The following CKAP5 variants were observed in gnomAD, a reference collection of about 807,000 sequenced individuals.
CKAP5 encodes the protein cytoskeleton-associated protein 5.
A neutral mutation model predicts 232.8 loss-of-function variants in CKAP5; 27 were observed. The observed-to-expected ratio is 0.12, with a 90% CI of 0.09 to 0.16. The LOEUF (loss-of-function observed/expected upper bound fraction) is 0.16, where lower values mean the gene tolerates loss of function less well. Ranked by LOEUF, CKAP5 falls within the 10% of genes least tolerant of loss-of-function variation. The pLI is 1.00. For missense variants in CKAP5, 1,838 were observed against 2,424.7 expected (o/e 0.76, Z 5.08); for synonymous variants, 785 against 841.1 (o/e 0.93, Z 1.16).
chr11:46,838,871 A>G (rs1259565653), intron 1 of CKAP5, among the ~76,000 whole-genome samples: 2 of 151,398 alleles, frequency 1.3e-5, no homozygotes, highest in African/African-American at 2.4e-5. Context: ...AATAAAAAAA[A>G]ATAAATAAAG....
At chr11:46,752,195 C>CATACAT (rs1565716304) in intron 38 of CKAP5, among the ~76,000 whole-genome samples, 3 of 58,178 alleles carry the variant, frequency 5.2e-5, no homozygotes, top group Non-Finnish European at 8.1e-5. Context: ...TATATATATA[C>CATACAT]ACACACACAC....
At chr11:46,763,421 A>C (rs1196845362) in intron 29 of CKAP5, 60 bp downstream of exon 29, 6 of 1,457,990 alleles carry the variant, frequency 4.1e-6, no homozygotes, top group Non-Finnish European at 5.6e-6. Flanking sequence ...AGATTATTTC[A>C]TAGGGCTCGG....
rs1441133526 is a variant in CKAP5, at chr11:46,754,929, T to C, written c.4828A>G (p.Ile1610Val). Residue 1610 changes from isoleucine (I) to valine (V), a missense_variant, in exon 36 of 44, where the codon ATC becomes GTC. Ile to Val is a conservative substitution (Grantham distance 29, BLOSUM62 3). Transcript: ENST00000529230. ...ATGATACAGCTATACAACTTGATGA[T>C]CTCGTCCTTCTCCAATTTCTCATCT... ...MADEKLEKDE[I>V]IKLYSCIIGN... 6.2e-7 allele frequency: 1 copy of C among 1,613,948 alleles called. No individual in the cohort carries two copies. Among genetic ancestry groups the C allele is most frequent in the South Asian group, 1.1e-5 (1 of 91,024 alleles).
At chr11:46,796,734 T>C in intron 12 of CKAP5, 78 bp downstream of exon 12, 1 of 1,540,916 alleles carries the variant, frequency 6.5e-7, no homozygotes, top group South Asian at 1.2e-5. Flanking sequence ...CAGTACTCTA[T>C]AACTGTCAAG....
intron 18 of CKAP5, among the ~76,000 whole-genome samples, chr11:46,780,815 G>C (rs1175118939): frequency 6.6e-6 from 1 of 151,998 alleles, no homozygotes; most frequent in Non-Finnish European, 1.5e-5. Flanking sequence ...GTAGAGACAG[G>C]GTTTCACCAT....
At chr11:46,804,458 C>A (rs1939108338) in intron 8 of CKAP5, among the ~76,000 whole-genome samples, 1 of 152,072 alleles carries the variant, frequency 6.6e-6, no homozygotes. Context: ...TGTTCTAGAC[C>A]AGGGAATGGA....
intron 3 of CKAP5, among the ~76,000 whole-genome samples, chr11:46,817,776 T>C (rs1939437987): frequency 6.6e-6 from 1 of 152,144 alleles, no homozygotes; most frequent in Non-Finnish European, 1.5e-5. Flanking sequence ...AAATCTGTCA[T>C]TCACAGATCA....
At chr11:46,773,665 C>T (rs577100223) in intron 24 of CKAP5, among the ~76,000 whole-genome samples, 1 of 152,082 alleles carries the variant, frequency 6.6e-6, no homozygotes, top group African/African-American at 2.4e-5. Context: ...GCCTCAGCCT[C>T]CCGAGTAGCT....
intron 1 of CKAP5, among the ~76,000 whole-genome samples, chr11:46,829,521 C>T (rs538098524): frequency 2.6e-5 from 4 of 152,044 alleles, no homozygotes; most frequent in Non-Finnish European, 4.4e-5. Context: ...AACGATGGAG[C>T]GAGAAAAAAT....
chr11:46,790,084 A>C lies in CKAP5; in HGVS notation c.1867T>G (p.Phe623Val). Reference sequence around the variant, plus strand: ...TCTTCCCTATGCACTACCTTCTGGAACTCTTCCATACAAGCCAGCCTTTCT... The same window carrying C: ...TCTTCCCTATGCACTACCTTCTGGACCTCTTCCATACAAGCCAGCCTTTCT... Reference protein sequence around the residue: ...WKERLACMEEFQKAVELMDRT... With the variant: ...WKERLACMEEVQKAVELMDRT... Residue 623 changes from phenylalanine to valine, a missense_variant, in exon 15 of 44, where the codon TTC (phenylalanine) becomes GTC (valine). Phe to Val is a conservative substitution (Grantham distance 50). Around this residue, in one of 6 missense-constraint regions of CKAP5, gnomAD observed 767 missense variants for 954.6 expected, o/e 0.80. Transcript: ENST00000529230. 6.2e-7 allele frequency: 1 copy of C among 1,606,128 alleles called. No individual in the cohort carries two copies. The highest frequency in any genetic ancestry group is 8.5e-7 in the Non-Finnish European group (1 of 1,173,890).
chr11:46,799,881 G>C (rs1237629233), intron 9 of CKAP5, among the ~76,000 whole-genome samples: 1 of 151,982 alleles, frequency 6.6e-6, no homozygotes, highest in Non-Finnish European at 1.5e-5. Context: ...TGTGCCTGAA[G>C]TCCCAGCTAC....
chr11:46,770,899 GGAGTA>G lies in CKAP5; in HGVS notation c.3070_3074del (p.Tyr1024LeufsTer27). On this transcript the variant is annotated frameshift_variant, in exon 25 of 44. Transcript: ENST00000529230. LOFTEE classifies it high-confidence loss of function. Reference sequence around the variant, plus strand: ...CATCTCCATTTCGATCTTCTAGGCAGGAGTAGAGATGAGGAACACAAAGGATAAGG... The same window carrying G: ...CATCTCCATTTCGATCTTCTAGGCAGGAGATGAGGAACACAAAGGATAAGG... 6.2e-7 allele frequency: 1 copy of G among 1,614,154 alleles called. No individual in the cohort carries two copies. The highest frequency in any genetic ancestry group is 1.1e-5 in the South Asian group (1 of 91,084).
Position 46,795,600 on chromosome 11 carries a change from A to G in CKAP5, c.1644T>C (p.Ala548=), listed in dbSNP as rs562144682. 6 of 1,612,544 alleles carry G rather than the reference A, an allele frequency of 3.7e-6. No homozygotes were observed. The African/African-American group carries it at 4.0e-5, about 11-fold the overall frequency. ...TTTTAAATAATCTATTAACCTTAGC[A>G]GCAGGTGCCTTTTTTAGAGGTCCTG... ...PKPGPLKKAP[A]AKAGGPPKKG... The change falls in exon 13 of 44, where the codon GCT becomes GCC. Residue 548 remains alanine (A), a synonymous_variant. Transcript: ENST00000529230.
chr11:46,768,325 G>C (rs1341557055), intron 26 of CKAP5, among the ~76,000 whole-genome samples: 1 of 151,668 alleles, frequency 6.6e-6, no homozygotes, highest in Non-Finnish European at 1.5e-5. Context: ...TGAATAGCTG[G>C]GACTACAGGC....
Position 46,755,054 on chromosome 11 carries a change from A to C in CKAP5, c.4703T>G (p.Leu1568Arg). 3 of 1,607,270 alleles carry C rather than the reference A, an allele frequency of 1.9e-6. No homozygotes were observed. The highest frequency in any genetic ancestry group is 1.7e-6 in the Non-Finnish European group (2 of 1,177,922). The change falls in exon 36 of 44, where the codon CTG (leucine) becomes CGG (arginine). Residue 1568 changes from leucine to arginine, a missense_variant. Around this residue, in one of 6 missense-constraint regions of CKAP5, gnomAD observed 579 missense variants for 843.2 expected, o/e 0.69. Coordinates refer to ENST00000529230, the MANE Select transcript of CKAP5 (RefSeq NM_001008938.4). ...GGCTTCAGCTTTGTCTTCCTGTCTC[A>C]GGACCTCATCGATCTGATAACAAAA... The part of the protein sequence containing the change: ...IQALTQIDEV[L>R]RQEDKAEAMS...
intron 8 of CKAP5, among the ~76,000 whole-genome samples, chr11:46,803,372 G>C (rs1437552958): frequency 6.6e-6 from 1 of 151,608 alleles, no homozygotes; most frequent in Non-Finnish European, 1.5e-5. Flanking sequence ...AGGTTCAAGC[G>C]ATCTTCCCAC....
At chr11:46,826,731 GCTTGCC>G (rs1939662040) in intron 1 of CKAP5, 1 of 152,848 alleles carries the variant, frequency 6.5e-6, no homozygotes, top group Admixed American at 6.5e-5. Context: ...GTCGCGGGAT[GCTTGCC>G]CTTTGCCCGT....
chr11:46,761,557 G>T (rs2134590230), intron 32 of CKAP5, among the ~76,000 whole-genome samples: 1 of 152,304 alleles, frequency 6.6e-6, no homozygotes, highest in East Asian at 1.9e-4. Flanking sequence ...CGAAATAAGA[G>T]GTCAGAGGCA....
chr11:46,777,361 A>G, intron 23 of CKAP5, 78 bp downstream of exon 23: 1 of 843,002 alleles, frequency 1.2e-6, no homozygotes, highest in Non-Finnish European at 2.0e-6. Flanking sequence ...CATGACTCTA[A>G]AAAGAGAATT....
Sources: gnomAD v4.1 joint callset for allele counts (sites outside exome capture counted in the v4.1 genomes callset) on GRCh38, gnomAD v4.1.1 for gene constraint, gnomAD v4.1.1 regional missense constraint, MANE v1.5 for transcripts, NCBI Gene and HGNC (gene_info 2026-07-23, HGNC 2026-07-21) for gene names.